Variants in CACNA1A observed in about 807,000 individuals in gnomAD.
CACNA1A encodes calcium voltage-gated channel subunit alpha1 A.
Under a neutral mutation model 262.4 loss-of-function variants are expected in CACNA1A, and 57 were observed. That is an observed-to-expected ratio of 0.22 (90% CI 0.18 to 0.27). The LOEUF (loss-of-function observed/expected upper bound fraction) is 0.27, where lower values mean the gene tolerates loss of function less well. Among genes scored for constraint, CACNA1A ranks in the 10% least tolerant of loss-of-function variants. The pLI is 1.00. For synonymous variants in CACNA1A, 1,431 were observed against 1,419.3 expected (o/e 1.01, Z -0.18); for missense variants, 2,526 against 3,562.8 (o/e 0.71, Z 7.41).
chr19:13,385,607 C>A (rs2059598290), intron 3 of CACNA1A, among the ~76,000 whole-genome samples: 1 of 152,166 alleles, frequency 6.6e-6, no homozygotes, highest in Non-Finnish European at 1.5e-5. Flanking sequence ...GATCCTACTG[C>A]CTTGGACTCC....
rs2056601749 is a variant in CACNA1A, at chr19:13,257,476, A to G, written c.4464T>C (p.Ile1488=). The G allele has an allele frequency of 6.2e-7, 1 of 1,613,308 alleles. No individual in the cohort carries two copies. The change falls in exon 28 of 47, where the codon ATT becomes ATC. Residue 1488 remains isoleucine, a synonymous_variant. Coordinates refer to ENST00000360228, the MANE Select transcript of CACNA1A (RefSeq NM_001127222.2). ...ACACCACAAAGTAGACGACGTAGAA[A>G]ATGGACATCTCCATGCGGTACCCGG... ...PSPGYRMEMS[I]FYVVYFVVFP...
rs533297364 is a variant in CACNA1A at position 13,433,460 on chromosome 19, C to CAAAAAAAAAAAAAAAAAAAAAAAA, written c.539+19415_539+19416insTTTTTTTTTTTTTTTTTTTTTTTT. ...TCGGCAACAAAGCAAGACGCTGTCTCAAAAAAAAAAAAAAAAAAAAAAAGT... is the reference window on the plus strand; with the variant it reads ...TCGGCAACAAAGCAAGACGCTGTCTCAAAAAAAAAAAAAAAAAAAAAAAAAAAAAAAAAAAAAAAAAAAAAAAGT... On this transcript the variant is annotated intron_variant, in intron 3 of 46. Coordinates refer to ENST00000360228, the MANE Select transcript of CACNA1A (RefSeq NM_001127222.2). 1.0e-3 allele frequency among the ~76,000 whole-genome samples: 79 copies of CAAAAAAAAAAAAAAAAAAAAAAAA among 76,208 alleles called. 3 individuals carry two copies. Among genetic ancestry groups the CAAAAAAAAAAAAAAAAAAAAAAAA allele is most frequent in the East Asian group, 2.2e-3 (5 of 2,252 alleles). 50.0% of individuals were successfully genotyped at this position (76,208 alleles called of 152,430 possible).
At position 13,352,494 on chromosome 19, in the gene CACNA1A, C is replaced by T. The variant is rs549145323; in HGVS notation, c.978+7112G>A. Among the ~76,000 whole-genome samples the T allele has an allele frequency of 6.0e-4, 92 of 152,138 alleles. No individual in the cohort carries two copies. The Middle Eastern group carries it at 0.01, about 17-fold the overall frequency. ...AGAATATCAAGATTCCCAAATCCCA[C>T]CACCCGAAGGTCAGCTTGGTACAGT... On this transcript the variant is annotated intron_variant, in intron 6 of 46. Coordinates refer to ENST00000360228, the MANE Select transcript of CACNA1A (RefSeq NM_001127222.2).
chr19:13,238,093 G>A lies in CACNA1A; in HGVS notation c.4951-2363C>T, dbSNP rs566162824. On this transcript the variant is annotated intron_variant, in intron 31 of 46. Transcript: ENST00000360228. ...ATGAGGCAGGTAGGGGTGGAGACGG[G>A]AAGGGTTTGGGGCAGTGGGGGAAGG... Among the ~76,000 whole-genome samples the A allele has an allele frequency of 6.6e-5, 10 of 152,282 alleles. No individual in the cohort carries two copies. The East Asian group carries it at 1.9e-3, about 29-fold the overall frequency.
intron 1 of CACNA1A, among the ~76,000 whole-genome samples, chr19:13,502,156 TTAAAAAA>T (rs1322266867): frequency 2.9e-5 from 2 of 69,028 alleles, no homozygotes; most frequent in African/African-American, 2.1e-4. Context: ...AGAGCTTTTC[TTAAAAAA>T]AAAAAAAAAA....
chr19:13,399,448 C>T (rs1348124069), intron 3 of CACNA1A, among the ~76,000 whole-genome samples: 1 of 150,916 alleles, frequency 6.6e-6, no homozygotes, highest in Non-Finnish European at 1.5e-5. Context: ...AAAAAAAAAG[C>T]CCAGAAGAGA....
rs2054604903 is a variant in CACNA1A at position 13,207,380 on chromosome 19, G to A, written c.7454C>T (p.Pro2485Leu). The change falls in exon 47 of 47, where the codon CCC (proline) becomes CTC (leucine). Residue 2485 changes from proline to leucine, a missense_variant. Physicochemically the swap from Pro to Leu is moderately conservative, Grantham distance 98. Around this residue, in one of 17 missense-constraint regions of CACNA1A, gnomAD observed 929 missense variants for 868.1 expected, o/e 1.07. Transcript: ENST00000360228. This position sits in a 1 kb window ranked among gnomAD's most constrained non-coding sequence, Gnocchi z 5.7. ...GYYPAHGLAR[P>L]RGPGSRKGLH... ...GCCCTTCCTGGAGCCCGGCCCGCGG[G>A]GCCTGGCCAGTCCGTGCGCCGGGTA... 4 of 1,545,690 alleles carry A rather than the reference G, an allele frequency of 2.6e-6. No homozygotes were observed. Among genetic ancestry groups the A allele is most frequent in the Non-Finnish European group, 2.6e-6 (3 of 1,152,360 alleles).
intron 18 of CACNA1A, among the ~76,000 whole-genome samples, chr19:13,300,195 A>G (rs2057759522): frequency 6.6e-6 from 1 of 152,010 alleles, no homozygotes; most frequent in African/African-American, 2.4e-5. Flanking sequence ...CACTCCCAGC[A>G]TTTGCTATTT....
At chr19:13,310,515 T>TAGAGAG (rs148544563) in intron 12 of CACNA1A, among the ~76,000 whole-genome samples, 47,988 of 68,904 alleles carry the variant, frequency 0.7, 17,721 homozygotes, top group East Asian at 0.85. Context: ...TATATATATG[T>TAGAGAG]AGAGAGAGAG....
rs1303173700 is a variant in CACNA1A at position 13,347,060 on chromosome 19, T to TTTG, written c.979-11152_979-11151insCAA. Among the ~76,000 whole-genome samples, 1,320 of 55,418 alleles carry TTTG rather than the reference T, an allele frequency of 0.024. 30 individuals carry two copies. The East Asian group carries it at 0.31, about 13-fold the overall frequency. The allele number at this position is 55,418 out of a possible 152,430, so 36.4% of individuals were successfully genotyped here. ...TGTTCCTTCAGGTCTGTTTTTTTTG[T>TTTG]TTTTTTGTTTTTTTTTTTTGAGACA... On this transcript the variant is annotated intron_variant, in intron 6 of 46. Coordinates refer to ENST00000360228, the MANE Select transcript of CACNA1A (RefSeq NM_001127222.2).
intron 10 of CACNA1A, among the ~76,000 whole-genome samples, chr19:13,320,054 C>A (rs1377712788): frequency 6.6e-6 from 1 of 152,166 alleles, no homozygotes; most frequent in South Asian, 2.1e-4. Flanking sequence ...TGCAAAGACC[C>A]TTCCCCTCAT....
intron 1 of CACNA1A, among the ~76,000 whole-genome samples, chr19:13,460,734 G>C (rs2061106538): frequency 6.6e-6 from 1 of 151,950 alleles, no homozygotes; most frequent in Admixed American, 6.6e-5. Context: ...TTGTACCCAG[G>C]GGCCTTTGTA....
At chr19:13,234,891 C>G (rs754292194) in intron 34 of CACNA1A, 30 bp downstream of exon 34, 96 of 1,492,126 alleles carry the variant, frequency 6.4e-5, no homozygotes, top group Non-Finnish European at 8.7e-5. Flanking sequence ...CCCACGGAAA[C>G]AGAATTATCA....
chr19:13,287,007 T>A (rs2057417073), intron 19 of CACNA1A, 41 bp from the exon 20 acceptor site: 2 of 1,470,440 alleles, frequency 1.4e-6, no homozygotes, highest in Non-Finnish European at 1.8e-6. Context: ...AACAACTGAT[T>A]TAGGATAAAA....
chr19:13,371,612 A>G (rs1464514021), intron 4 of CACNA1A, 76 bp downstream of exon 4: 2 of 1,058,934 alleles, frequency 1.9e-6, no homozygotes, highest in Non-Finnish European at 1.4e-6. Flanking sequence ...GCCTCCTGAG[A>G]TGCTCTGCAT....
At chr19:13,276,697 CTTTTTTTTTT>C (rs33970596) in intron 23 of CACNA1A, among the ~76,000 whole-genome samples, 9,559 of 125,462 alleles carry the variant, frequency 0.076, 387 homozygotes, top group African/African-American at 0.12. Flanking sequence ...AATCCCAGCT[CTTTTTTTTTT>C]TTTTTTTTTT....
chr19:13,398,753 G>A (rs984231266), intron 3 of CACNA1A, among the ~76,000 whole-genome samples: 6 of 152,218 alleles, frequency 3.9e-5, no homozygotes, highest in African/African-American at 9.6e-5. Context: ...GACAGAGTGA[G>A]GATTCAACGT....
intron 19 of CACNA1A, among the ~76,000 whole-genome samples, chr19:13,295,732 C>CGATT (rs977952353): frequency 2.0e-4 from 30 of 152,108 alleles, no homozygotes; most frequent in Non-Finnish European, 3.5e-4. Context: ...TGGCCTCAAG[C>CGATT]GATTCTCCTT....
At chr19:13,255,778 T>TC (rs2056545781) in intron 28 of CACNA1A, among the ~76,000 whole-genome samples, 1 of 99,710 alleles carries the variant, frequency 1.0e-5, no homozygotes, top group African/African-American at 3.9e-5. Flanking sequence ...CCTCCCTCCT[T>TC]TCCTTCCTTC....
Sources: gnomAD v4.1 joint callset for allele counts (sites outside exome capture counted in the v4.1 genomes callset) on GRCh38, gnomAD v4.1.1 for gene constraint, gnomAD v4.1.1 regional missense constraint, Gnocchi (gnomAD v3.1) non-coding constraint, MANE v1.5 for transcripts, NCBI Gene and HGNC (gene_info 2026-07-23, HGNC 2026-07-21) for gene names.